Variants in CTBP2 observed in about 807,000 individuals in gnomAD.
CTBP2 encodes the protein C-terminal-binding protein 2.
CTBP2 carries 30 observed loss-of-function variants against 80.3 expected under a neutral mutation model. The observed-to-expected ratio is 0.37, with a 90% CI of 0.28 to 0.51. CTBP2 has a LOEUF of 0.51. Ranked by LOEUF, CTBP2 falls within the 20% of genes least tolerant of loss-of-function variation. The pLI, the probability that CTBP2 is intolerant of heterozygous loss-of-function variation, is 0.93. For missense variants in CTBP2, 1,212 were observed against 1,375.3 expected (o/e 0.88, Z 1.88); for synonymous variants, 594 against 587.4 (o/e 1.01, Z -0.16).
intron 2 of CTBP2, among the ~76,000 whole-genome samples, chr10:125,108,388 T>C (rs1238141753): frequency 6.6e-6 from 1 of 152,256 alleles, no homozygotes; most frequent in Non-Finnish European, 1.5e-5. Context: ...GATTCACCAT[T>C]ACCTCTGATG....
At chr10:125,006,635 T>A (rs1955277385) in intron 1 of CTBP2, among the ~76,000 whole-genome samples, 2 of 152,222 alleles carry the variant, frequency 1.3e-5, no homozygotes, top group Admixed American at 1.3e-4. Context: ...AGATCCCCCA[T>A]CTTACCTCAC....
intron 1 of CTBP2, among the ~76,000 whole-genome samples, chr10:125,128,840 T>A (rs1232758156): frequency 6.6e-6 from 1 of 152,222 alleles, no homozygotes; most frequent in Non-Finnish European, 1.5e-5. Context: ...CAAAAAGACA[T>A]GCATGAGAAT....
chr10:125,003,606 G>A (rs1182759010), intron 1 of CTBP2, 114 bp from the exon 4 acceptor site: 31 of 782,388 alleles, frequency 4.0e-5, no homozygotes, highest in Non-Finnish European at 5.0e-5. Context: ...CGAGGGTGGC[G>A]GAGCAGCGAG....
chr10:125,090,428 G>GA (rs1848602824), intron 2 of CTBP2, among the ~76,000 whole-genome samples: 1 of 142,636 alleles, frequency 7.0e-6, no homozygotes. Context: ...TGATTTCATA[G>GA]AAAAAATATG....
chr10:125,152,126 T>A (rs1377891998), intron 1 of CTBP2, among the ~76,000 whole-genome samples: 3 of 151,602 alleles, frequency 2.0e-5, no homozygotes, highest in Non-Finnish European at 4.4e-5. Context: ...CCGCCAGGTG[T>A]TCTGGCCCGC....
At chr10:125,013,861 A>T (rs1219322409) in intron 1 of CTBP2, among the ~76,000 whole-genome samples, 1 of 152,208 alleles carries the variant, frequency 6.6e-6, no homozygotes, top group Non-Finnish European at 1.5e-5. Flanking sequence ...GACAGACATC[A>T]TCAGGCCTGG....
chr10:125,005,514 C>T, intron 1 of CTBP2: 1 of 1,577,508 alleles, frequency 6.3e-7, no homozygotes, highest in Non-Finnish European at 8.6e-7. Context: ...GAAAATAAGG[C>T]AGGGACGAGG....
intron 2 of CTBP2, among the ~76,000 whole-genome samples, chr10:125,075,302 C>T (rs1846115013): frequency 6.6e-6 from 1 of 152,164 alleles, no homozygotes; most frequent in Non-Finnish European, 1.5e-5. Context: ...CTTAATCCCC[C>T]ATCATTCTGG....
chr10:125,056,378 G>A (rs1175721902), intron 2 of CTBP2, among the ~76,000 whole-genome samples: 2 of 152,126 alleles, frequency 1.3e-5, no homozygotes, highest in African/African-American at 2.4e-5. Context: ...AGGAGGACAC[G>A]CCCAGCACAG....
chr10:125,103,034 C>T (rs1254704), intron 2 of CTBP2, among the ~76,000 whole-genome samples: 1,771 of 152,338 alleles, frequency 0.012, 40 homozygotes, highest in African/African-American at 0.04. Context: ...CCTACTTGCA[C>T]AAAGGAGAGG....
chr10:125,012,021 G>A (rs1310405124), intron 1 of CTBP2, among the ~76,000 whole-genome samples: 1 of 152,246 alleles, frequency 6.6e-6, no homozygotes, highest in Non-Finnish European at 1.5e-5. Context: ...ACCCCACCCA[G>A]CCTGTGTGAA....
intron 2 of CTBP2, among the ~76,000 whole-genome samples, chr10:125,042,244 C>T (rs1404572803): frequency 6.6e-6 from 1 of 152,248 alleles, no homozygotes; most frequent in Non-Finnish European, 1.5e-5. Context: ...ACTTAATTAA[C>T]ATAACCATCT....
chr10:125,125,272 T>C (rs1019599183), intron 1 of CTBP2, among the ~76,000 whole-genome samples: 2 of 152,236 alleles, frequency 1.3e-5, no homozygotes, highest in Non-Finnish European at 2.9e-5. Context: ...ACATATTCAA[T>C]TGCTTATTTG....
At position 124,985,062 on chromosome 10, in the gene CTBP2, C is replaced by A; in HGVS notation, c.*4456G>T. The A allele has an allele frequency of 3.2e-6, 4 of 1,249,464 alleles. No individual in the cohort carries two copies. The highest frequency in any genetic ancestry group is 4.5e-6 in the Non-Finnish European group (4 of 886,550). 77.4% of individuals were successfully genotyped at this position (1,249,464 alleles called of 1,614,324 possible). On this transcript the variant is annotated 3_prime_UTR_variant, in exon 9 of 9. Transcript: ENST00000309035. ...TGACCCTAAAGTTAGTGTGGTGCTC[C>A]AAGCAGAGTCGACATCATGGAATGA...
chr10:125,130,409 C>A (rs990004434), intron 1 of CTBP2, among the ~76,000 whole-genome samples: 1 of 152,140 alleles, frequency 6.6e-6, no homozygotes, highest in African/African-American at 2.4e-5. Context: ...CAGCCCTTGG[C>A]CACGGTTCCC....
rs1438257074 is a variant in CTBP2 at position 125,066,052 on chromosome 10, G to A, written c.-101-26897C>T. On this transcript the variant is annotated intron_variant, in intron 2 of 10. Coordinates refer to the CTBP2 transcript ENST00000337195. This position sits in a 1 kb window ranked among gnomAD's most constrained non-coding sequence, Gnocchi z 4.1. ...GAAGGCAGAGGTTACAGTGAGCCCT[G>A]ATTGTGCCATGGCACTCTAGCCAAA... 1.3e-5 allele frequency among the ~76,000 whole-genome samples: 2 copies of A among 149,388 alleles called. No homozygotes were observed. The highest frequency in any genetic ancestry group is 2.9e-5 in the Non-Finnish European group (2 of 67,820).
intron 2 of CTBP2, among the ~76,000 whole-genome samples, chr10:125,071,117 C>T (rs1845416478): frequency 6.6e-6 from 1 of 152,124 alleles, no homozygotes; most frequent in Admixed American, 6.6e-5. Context: ...GCTCCCGAGC[C>T]GTGTGCCAGG....
chr10:125,019,124 C>G (rs539966902), intron 1 of CTBP2, among the ~76,000 whole-genome samples: 1 of 152,316 alleles, frequency 6.6e-6, no homozygotes, highest in East Asian at 1.9e-4. Context: ...AGCAGTTCCT[C>G]CCTCCCACTG....
At chr10:125,049,825 A>G (rs1434263080) in intron 2 of CTBP2, among the ~76,000 whole-genome samples, 1 of 152,144 alleles carries the variant, frequency 6.6e-6, no homozygotes, top group Non-Finnish European at 1.5e-5. Flanking sequence ...TCCAAGTTCC[A>G]TGCCAGCCAA....
Sources: gnomAD v4.1 joint callset for allele counts (sites outside exome capture counted in the v4.1 genomes callset) on GRCh38, gnomAD v4.1.1 for gene constraint, Gnocchi (gnomAD v3.1) non-coding constraint, MANE v1.5 for transcripts, NCBI Gene and HGNC (gene_info 2026-07-23, HGNC 2026-07-21) for gene names.